ZNF148: variants seen among roughly 807,000 people sequenced by gnomAD.
ZNF148 encodes the protein Beta-Enolase Repressor Factor-1.
ZNF148 carries 7 observed loss-of-function variants against 67.7 expected under a neutral mutation model. The observed-to-expected ratio is 0.10, with a 90% confidence interval of 0.06 to 0.19. The LOEUF (loss-of-function observed/expected upper bound fraction) is 0.19, where lower values mean the gene tolerates loss of function less well. Among genes scored for constraint, ZNF148 ranks in the 10% least tolerant of loss-of-function variants. The pLI is 1.00. For synonymous variants in ZNF148, 333 were observed against 330.7 expected, an observed-to-expected ratio of 1.01 and a Z score of -0.08; for missense variants, 583 against 947.1, an observed-to-expected ratio of 0.62 and a Z score of 5.05.
intron 6 of ZNF148, 124 bp from the exon 7 acceptor site, chr3:125,277,933 A>G (rs969934514): frequency 4.8e-6 from 3 of 629,312 alleles, no homozygotes; most frequent in Admixed American, 3.6e-5. Context: ...AGCCATACAA[A>G]TTTTTAATGT....
In ZNF148 at chr3:125,326,448, A is replaced by AATCCTG. The variant is rs930154727; in HGVS notation, c.-152-3010_-152-3005dup. Among the ~76,000 whole-genome samples the AATCCTG allele has an allele frequency of 3.0e-4, 45 of 152,026 alleles. 1 individual carries two copies. The highest frequency in any genetic ancestry group is 1.0e-3 in the African/African-American group (43 of 41,522). On this transcript the variant is annotated intron_variant, in intron 2 of 8. Coordinates refer to ENST00000360647, the MANE Select transcript of ZNF148 (RefSeq NM_021964.3). ...TAATAAGCAGCCTGTTAAAATGCAT[A>AATCCTG]ATCCTGACAGCAACCACAAAGAAAA...
intron 5 of ZNF148, among the ~76,000 whole-genome samples, chr3:125,282,217 C>T (rs1421242056): frequency 6.6e-6 from 1 of 152,134 alleles, no homozygotes; most frequent in African/African-American, 2.4e-5. Flanking sequence ...TTTTCTTCCC[C>T]GGTATAGACT....
At chr3:125,368,457 A>T (rs1156379201) in intron 1 of ZNF148, among the ~76,000 whole-genome samples, 1 of 152,216 alleles carries the variant, frequency 6.6e-6, no homozygotes, top group Non-Finnish European at 1.5e-5. Flanking sequence ...AGTGTTTTCA[A>T]AATCAGCTAA....
At chr3:125,318,876 C>T (rs1940642064) in intron 3 of ZNF148, among the ~76,000 whole-genome samples, 1 of 152,110 alleles carries the variant, frequency 6.6e-6, no homozygotes, top group African/African-American at 2.4e-5. Flanking sequence ...TGCATTCTTC[C>T]CCCGCTTCCA....
At chr3:125,291,483 T>C (rs1357271391) in intron 4 of ZNF148, among the ~76,000 whole-genome samples, 1 of 152,100 alleles carries the variant, frequency 6.6e-6, no homozygotes, top group Admixed American at 6.6e-5. Flanking sequence ...AATTTTCAAT[T>C]TCAAATTTTG....
In ZNF148 at chr3:125,227,441, C is replaced by G. The variant is rs928111942; in HGVS notation, c.*4900G>C. 1 of 152,516 alleles carries G rather than the reference C, an allele frequency of 6.6e-6. No homozygotes were observed. Among genetic ancestry groups the G allele is most frequent in the Non-Finnish European group, 1.5e-5 (1 of 68,008 alleles). 9.4% of individuals were successfully genotyped at this position (152,516 alleles called of 1,614,324 possible). On this transcript the variant is annotated 3_prime_UTR_variant, in exon 9 of 9. Coordinates refer to ENST00000360647, the MANE Select transcript of ZNF148 (RefSeq NM_021964.3). ...TATCAGAAAATTCAACGTGCTCCAC[C>G]ATCAGGATTTCCATCACACACATTT...
In ZNF148 at chr3:125,302,398, G is replaced by T. The variant is rs563175780; in HGVS notation, c.333+10910C>A. On this transcript the variant is annotated intron_variant, in intron 4 of 8. Coordinates refer to ENST00000360647, the MANE Select transcript of ZNF148 (RefSeq NM_021964.3). ...GTCTCAAAAAAAAAAAAGAAAAAAA[G>T]AAAAGAAAAAAAAAGTACATTAATG... is the stretch of plus-strand genomic sequence containing the variant. 9.3e-5 allele frequency among the ~76,000 whole-genome samples: 14 copies of T among 150,656 alleles called. No individual in the cohort carries two copies. In the South Asian group the frequency reaches 1.3e-3, roughly 14 times the overall value.
intron 4 of ZNF148, among the ~76,000 whole-genome samples, chr3:125,306,891 C>G (rs946242019): frequency 6.6e-6 from 1 of 152,004 alleles, no homozygotes; most frequent in African/African-American, 2.4e-5. Context: ...AAACCCTTCC[C>G]ACAAAGAAAA....
intron 1 of ZNF148, among the ~76,000 whole-genome samples, chr3:125,361,570 G>A (rs1373165343): frequency 6.6e-6 from 1 of 152,104 alleles, no homozygotes; most frequent in Non-Finnish European, 1.5e-5. Context: ...GGTGGCTCAC[G>A]TCTGTAATCC....
At chr3:125,290,365 T>A (rs1421591795) in intron 4 of ZNF148, among the ~76,000 whole-genome samples, 1 of 152,130 alleles carries the variant, frequency 6.6e-6, no homozygotes, top group Non-Finnish European at 1.5e-5. Context: ...AATCTTTCCC[T>A]CTTTATTTTC....
chr3:125,330,622 G>A (rs1049332844), intron 2 of ZNF148, among the ~76,000 whole-genome samples: 3 of 151,888 alleles, frequency 2.0e-5, no homozygotes, highest in Admixed American at 6.6e-5. Context: ...GAGTTCAGGG[G>A]TTGAGGACCA....
chr3:125,232,039 GA>G lies in ZNF148; in HGVS notation c.*301del. 1.2e-5 allele frequency: 3 copies of G among 254,546 alleles called. No individual in the cohort carries two copies. The allele number at this position is 254,546 out of a possible 1,614,324, so 15.8% of individuals were successfully genotyped here. On this transcript the variant is annotated 3_prime_UTR_variant, in exon 9 of 9. Transcript: ENST00000360647. This position sits in a 1 kb window ranked among gnomAD's most constrained non-coding sequence, Gnocchi z 4.2. ...AAGAATGTACAATGTTATCAGTTAG[GA>G]AACAATTGTGCGAAAGTCTTTTTTT...
At chr3:125,359,156 G>A (rs1378699316) in intron 1 of ZNF148, among the ~76,000 whole-genome samples, 1 of 152,202 alleles carries the variant, frequency 6.6e-6, no homozygotes, top group Non-Finnish European at 1.5e-5. Context: ...CATGAGTTGA[G>A]CAAAGTGAGA....
Position 125,234,784 on chromosome 3 carries a change from C to T in ZNF148, c.668-455G>A, listed in dbSNP as rs114213884. Among the ~76,000 whole-genome samples, 734 of 152,148 alleles carry T rather than the reference C, an allele frequency of 4.8e-3. 6 individuals are homozygous for T. The highest frequency in any genetic ancestry group is 0.017 in the African/African-American group (701 of 41,522). On this transcript the variant is annotated intron_variant, in intron 7 of 8. Coordinates refer to ENST00000360647, the MANE Select transcript of ZNF148 (RefSeq NM_021964.3). Reference sequence around the variant, plus strand: ...ATAAAATCTGAATCCTGAAAATATCCTTTAAAATCTAATTTAATAAAATAC... The same window carrying T: ...ATAAAATCTGAATCCTGAAAATATCTTTTAAAATCTAATTTAATAAAATAC...
In ZNF148 at chr3:125,318,027, A is replaced by G. The variant is rs563894979; in HGVS notation, c.-16-4371T>C. Among the ~76,000 whole-genome samples the G allele has an allele frequency of 1.1e-4, 16 of 152,192 alleles. No homozygotes were observed. The South Asian group carries it at 1.2e-3, about 12-fold the overall frequency. On this transcript the variant is annotated intron_variant, in intron 3 of 8. Coordinates refer to ENST00000360647, the MANE Select transcript of ZNF148 (RefSeq NM_021964.3). ...GAAATTTTACCAGGCCCATGGAAAA[A>G]GGGAATAGGATAAAGCTACACTTAA...
rs1036181623 is a variant in ZNF148 at position 125,277,870 on chromosome 3, G to T, written c.584-61C>A. ...AATAAAACAACGGTTTTTAGTTACT[G>T]TTTCTGAGGAAAGAAAAATCTTAGA... On this transcript the variant is annotated intron_variant, in intron 6 of 8. Transcript: ENST00000360647. 2.9e-6 allele frequency: 4 copies of T among 1,366,954 alleles called. No individual in the cohort carries two copies. In the South Asian group the frequency reaches 4.7e-5, roughly 16 times the overall value. 84.7% of individuals were successfully genotyped at this position (1,366,954 alleles called of 1,614,324 possible). A position where few individuals can be genotyped will look rare whatever the true frequency, so the allele number is the denominator to read the frequency against.
In ZNF148 at chr3:125,261,825, GT is replaced by G. The variant is rs1553809856; in HGVS notation, c.667+15900del. Among the ~76,000 whole-genome samples, 1,074 of 138,950 alleles carry G rather than the reference GT, an allele frequency of 7.7e-3. 11 individuals carry two copies. Among genetic ancestry groups the G allele is most frequent in the African/African-American group, 0.022 (820 of 38,044 alleles). The allele number at this position is 138,950 out of a possible 152,430, so 91.2% of individuals were successfully genotyped here. ...AAAATAACCTGACAGGGGTTGACAA[GT>G]TTTTTTTTTTTTTTTTTTAACACAA... On this transcript the variant is annotated intron_variant, in intron 7 of 8. Transcript: ENST00000360647.
rs150858248 is a variant in ZNF148, at chr3:125,337,740, T to C, written c.-233-6502A>G. Among the ~76,000 whole-genome samples the C allele has an allele frequency of 2.7e-3, 408 of 152,278 alleles. 3 individuals carry two copies. Among genetic ancestry groups the C allele is most frequent in the Middle Eastern group, 3.4e-3 (1 of 294 alleles). Reference sequence around the variant, plus strand: ...AAGTATTATTGTTTGTCTCAGTTCTTTAGATGATGAAACAGGTTCAAGAGG... The same window carrying C: ...AAGTATTATTGTTTGTCTCAGTTCTCTAGATGATGAAACAGGTTCAAGAGG... On this transcript the variant is annotated intron_variant, in intron 1 of 8. Transcript: ENST00000360647.
chr3:125,275,152 T>C (rs1937980762), intron 7 of ZNF148, among the ~76,000 whole-genome samples: 1 of 152,152 alleles, frequency 6.6e-6, no homozygotes, highest in African/African-American at 2.4e-5. Context: ...GGGAAAACTA[T>C]CCCCTTATAT....
Sources: gnomAD v4.1 joint callset for allele counts (sites outside exome capture counted in the v4.1 genomes callset) on GRCh38, gnomAD v4.1.1 for gene constraint, Gnocchi (gnomAD v3.1) non-coding constraint, MANE v1.5 for transcripts, NCBI Gene and HGNC (gene_info 2026-07-23, HGNC 2026-07-21) for gene names.